The following BCL2L13 variants were observed in gnomAD, a reference collection of about 807,000 sequenced individuals.
The protein encoded by BCL2L13 is BCL2 like 13, also known as bcl-2-like protein 13.
In BCL2L13, 13 loss-of-function variants were observed where a neutral mutation model predicts 25.8. The ratio of observed to expected loss-of-function variants is 0.50; its 90% CI spans 0.33 to 0.80. The LOEUF is 0.80. Among genes scored for constraint, BCL2L13 ranks in the 30% least tolerant of loss-of-function variants. The probability of loss-of-function intolerance (pLI) is 0.02; values close to 1 mark genes in which losing one functional copy is unlikely to be tolerated. For synonymous variants in BCL2L13, 244 were observed against 230.3 expected (o/e 1.06, Z -0.54); for missense variants, 504 against 574.9 (o/e 0.88, Z 1.26).
chr22:17,729,532 A>T lies in BCL2L13; in HGVS notation c.*1998A>T, dbSNP rs900250739. The T allele has an allele frequency of 5.9e-5, 9 of 152,324 alleles. No individual in the cohort carries two copies. The highest frequency in any genetic ancestry group is 3.4e-3 in the Middle Eastern group (1 of 294). The allele number at this position is 152,324 out of a possible 1,614,324, so 9.4% of individuals were successfully genotyped here. A position where few individuals can be genotyped will look rare whatever the true frequency, so the allele number is the denominator to read the frequency against. Reference sequence around the variant, plus strand: ...AAATCCTATGAGTTCCAGTATTAACACTTGCCAGTTCTGGATCCTCACACC... The same window carrying T: ...AAATCCTATGAGTTCCAGTATTAACTCTTGCCAGTTCTGGATCCTCACACC... On this transcript the variant is annotated 3_prime_UTR_variant, in exon 7 of 7. Transcript: ENST00000317582.
chr22:17,719,089 G>A (rs1488884788), intron 6 of BCL2L13, among the ~76,000 whole-genome samples: 1 of 144,638 alleles, frequency 6.9e-6, no homozygotes, highest in Non-Finnish European at 1.5e-5. Flanking sequence ...AGGAGGCCAA[G>A]GTTGCAGTGA....
At chr22:17,720,513 T>C (rs1480462737) in intron 6 of BCL2L13, among the ~76,000 whole-genome samples, 1 of 151,954 alleles carries the variant, frequency 6.6e-6, no homozygotes, top group African/African-American at 2.4e-5. Context: ...TGTGCCACCA[T>C]GCCTGGCTAA....
At position 17,680,016 on chromosome 22, in the gene BCL2L13, C is replaced by A. The variant is rs140853145; in HGVS notation, c.122-3198C>A. ...TTACCTGAGGTCAGGAGTTCGAGATCAGCCTGGCCAACATGATGAAGCACC... is the reference window on the plus strand; with the variant it reads ...TTACCTGAGGTCAGGAGTTCGAGATAAGCCTGGCCAACATGATGAAGCACC... On this transcript the variant is annotated intron_variant, in intron 2 of 6. Transcript: ENST00000317582. 2.6e-3 allele frequency among the ~76,000 whole-genome samples: 386 copies of A among 149,174 alleles called. 6 individuals are homozygous for A. In the South Asian group the frequency reaches 0.026, roughly 10 times the overall value.
upstream of BCL2L13, among the ~76,000 whole-genome samples, chr22:17,636,825 ATAAAG>A (rs944782958): frequency 7.2e-5 from 11 of 152,226 alleles, no homozygotes; most frequent in Non-Finnish European, 1.5e-4. Flanking sequence ...AAATAAATAA[ATAAAG>A]GAAAAGACTG....
rs1165158508 is a variant in BCL2L13, at chr22:17,691,017, T to C, written c.386+1875T>C. Among the ~76,000 whole-genome samples the C allele has an allele frequency of 2.0e-5, 3 of 151,282 alleles. No individual in the cohort carries two copies. The East Asian group carries it at 5.8e-4, about 29-fold the overall frequency. On this transcript the variant is annotated intron_variant, in intron 4 of 6. Coordinates refer to ENST00000317582, the MANE Select transcript of BCL2L13 (RefSeq NM_015367.4). ...AGGGCCTCTCCACTCTTCTTTCTTT[T>C]TTATTTATTTATTTATTTTAAATTT...
chr22:17,669,187 CACA>C (rs2059339137), intron 2 of BCL2L13, among the ~76,000 whole-genome samples: 1 of 151,600 alleles, frequency 6.6e-6, no homozygotes, highest in African/African-American at 2.4e-5. Context: ...TGCTTGCCAC[CACA>C]CCCGGCTAGT....
intron 1 of BCL2L13, among the ~76,000 whole-genome samples, chr22:17,649,871 C>CTTTTTTTT (rs71201855): frequency 1.3e-3 from 123 of 94,376 alleles, no homozygotes; most frequent in Non-Finnish European, 1.6e-3. Context: ...TTTTTCTTTT[C>CTTTTTTTT]TTTTTTTTTT....
intron 3 of BCL2L13, among the ~76,000 whole-genome samples, chr22:17,685,311 C>T (rs1405126174): frequency 2.6e-5 from 4 of 152,066 alleles, no homozygotes; most frequent in South Asian, 2.1e-4. Flanking sequence ...CTGCAACCTC[C>T]GACTTTAAGG....
At chr22:17,645,735 G>A (rs1462887794) in intron 1 of BCL2L13, among the ~76,000 whole-genome samples, 1 of 151,458 alleles carries the variant, frequency 6.6e-6, no homozygotes, top group Non-Finnish European at 1.5e-5. Context: ...TTTGTGGCTG[G>A]TTTTGGAGAT....
chr22:17,706,487 A>G (rs1229452842), intron 6 of BCL2L13, among the ~76,000 whole-genome samples: 4 of 152,190 alleles, frequency 2.6e-5, no homozygotes, highest in Admixed American at 6.5e-5. Context: ...AGTTTCAACT[A>G]CAAAAAGGGA....
intron 6 of BCL2L13, among the ~76,000 whole-genome samples, chr22:17,705,857 G>A (rs1245166991): frequency 6.6e-6 from 1 of 152,164 alleles, no homozygotes; most frequent in Non-Finnish European, 1.5e-5. Context: ...TCAAGGTGCA[G>A]CTACTTTTGA....
intron 1 of BCL2L13, among the ~76,000 whole-genome samples, chr22:17,654,607 G>C (rs1355475229): frequency 6.6e-6 from 1 of 150,880 alleles, no homozygotes; most frequent in Non-Finnish European, 1.5e-5. Context: ...TGTATTTTTA[G>C]TAGAGACGGG....
intron 2 of BCL2L13, among the ~76,000 whole-genome samples, chr22:17,666,322 G>A (rs1222564869): frequency 6.6e-6 from 1 of 151,916 alleles, no homozygotes; most frequent in African/African-American, 2.4e-5. Context: ...ATAGGGAATG[G>A]GGTATCCGTC....
chr22:17,693,380 T>TG (rs993025922), intron 4 of BCL2L13, among the ~76,000 whole-genome samples: 1 of 109,866 alleles, frequency 9.1e-6, no homozygotes, highest in African/African-American at 3.7e-5. Context: ...TTGTTTTTTT[T>TG]TTTTTTTTTT....
upstream of BCL2L13, chr22:17,638,362 G>A (rs545367464): frequency 4.3e-6 from 1 of 234,560 alleles, no homozygotes; most frequent in Admixed American, 5.7e-5. Flanking sequence ...AACTAGTGGC[G>A]AACATCGAGG....
At chr22:17,642,597 A>AT (rs58376155) in intron 1 of BCL2L13, among the ~76,000 whole-genome samples, 16,524 of 143,594 alleles carry the variant, frequency 0.12, 1,091 homozygotes, top group African/African-American at 0.17. Flanking sequence ...GTTGATGGGC[A>AT]TTTTTTTTTT....
rs1326985440 is a variant in BCL2L13, at chr22:17,729,561, T to G, written c.*2027T>G. ...GCCAGTTCTGGATCCTCACACCCAT[T>G]GGCTGAGCGCATTCAAGCACCAATC... On this transcript the variant is annotated 3_prime_UTR_variant, in exon 7 of 7. Coordinates refer to ENST00000317582, the MANE Select transcript of BCL2L13 (RefSeq NM_015367.4). 3 of 152,202 alleles carry G rather than the reference T, an allele frequency of 2.0e-5. No individual in the cohort carries two copies. The highest frequency in any genetic ancestry group is 4.4e-5 in the Non-Finnish European group (3 of 68,034). The allele number at this position is 152,202 out of a possible 1,614,324, so 9.4% of individuals were successfully genotyped here. A position where few individuals can be genotyped will look rare whatever the true frequency, so the allele number is the denominator to read the frequency against.
intron 6 of BCL2L13, among the ~76,000 whole-genome samples, chr22:17,724,062 C>G (rs927768847): frequency 1.1e-4 from 17 of 152,068 alleles, no homozygotes; most frequent in Non-Finnish European, 2.2e-4. Context: ...TGCTTGAAGC[C>G]AGGAGTTTGA....
chr22:17,687,892 G>A (rs1455601452), intron 3 of BCL2L13, among the ~76,000 whole-genome samples: 1 of 140,568 alleles, frequency 7.1e-6, no homozygotes. Context: ...ATCTTGGCTC[G>A]CTGCAACCTC....
Sources: allele counts gnomAD v4.1 joint callset (sites outside exome capture counted in the v4.1 genomes callset), GRCh38; gene constraint gnomAD v4.1.1; transcripts MANE v1.5; gene names NCBI Gene and HGNC (gene_info 2026-07-23, HGNC 2026-07-21).